Variants in PTPRN2 observed in about 807,000 individuals in gnomAD.
PTPRN2 encodes receptor-type tyrosine-protein phosphatase N2.
PTPRN2 carries 74 observed loss-of-function variants against 118.8 expected under a neutral mutation model. The observed-to-expected ratio is 0.62, with a 90% CI of 0.52 to 0.76. The LOEUF (loss-of-function observed/expected upper bound fraction) is 0.76, where lower values mean the gene tolerates loss of function less well. Among genes scored for constraint, PTPRN2 ranks in the 30% least tolerant of loss-of-function variants. The pLI, the probability that PTPRN2 is intolerant of heterozygous loss-of-function variation, is 0.00. For missense variants in PTPRN2, 1,481 were observed against 1,394.4 expected (o/e 1.06, Z -0.99); for synonymous variants, 641 against 608.0 (o/e 1.05, Z -0.80).
chr7:157,898,143 A>G (rs1797240561), intron 12 of PTPRN2, among the ~76,000 whole-genome samples: 1 of 151,854 alleles, frequency 6.6e-6, no homozygotes, highest in Admixed American at 6.6e-5. Context: ...CAGCGATATT[A>G]TGGAAGCATT....
intron 21 of PTPRN2, among the ~76,000 whole-genome samples, chr7:157,552,808 G>C (rs1400529558): frequency 1.3e-5 from 2 of 152,240 alleles, no homozygotes; most frequent in South Asian, 4.1e-4. Context: ...CGCTCCGCGT[G>C]CCTATGCTGG....
intron 1 of PTPRN2, among the ~76,000 whole-genome samples, chr7:158,513,275 G>A (rs1017765967): frequency 6.6e-6 from 1 of 152,198 alleles, no homozygotes; most frequent in Admixed American, 6.5e-5. Context: ...ACATTCTACA[G>A]ACTGACCAGG....
intron 4 of PTPRN2, among the ~76,000 whole-genome samples, chr7:158,194,738 CCTT>C (rs1291521023): frequency 6.6e-6 from 1 of 152,264 alleles, no homozygotes; most frequent in Non-Finnish European, 1.5e-5. Context: ...TCCACCTTCA[CCTT>C]CTCAACATCT....
At chr7:157,613,905 C>T (rs1802568761) in intron 15 of PTPRN2, 1 of 403,922 alleles carries the variant, frequency 2.5e-6, no homozygotes, top group Non-Finnish European at 5.2e-6. Flanking sequence ...GCGCTGCTAT[C>T]CGGACTCCTC....
chr7:158,376,379 T>G (rs1347599521), intron 2 of PTPRN2, among the ~76,000 whole-genome samples: 1 of 144,534 alleles, frequency 6.9e-6, no homozygotes, highest in Non-Finnish European at 1.5e-5. Flanking sequence ...CTGTCACACG[T>G]CCTGCGAGGG....
At position 158,244,807 on chromosome 7, in the gene PTPRN2, TGAGA is replaced by T. The variant is rs113661572; in HGVS notation, c.278-39538_278-39535del. Among the ~76,000 whole-genome samples, 12 of 148,232 alleles carry T rather than the reference TGAGA, an allele frequency of 8.1e-5. No homozygotes were observed. In the East Asian group the frequency reaches 2.4e-3, roughly 30 times the overall value. ...GAGTTGTGTGAGTGTGAGTTGTGTG[TGAGA>T]GTGTGTATGAGTGTGAGTTGTGCAC... On this transcript the variant is annotated intron_variant, in intron 3 of 22. Transcript: ENST00000389418.
intron 3 of PTPRN2, among the ~76,000 whole-genome samples, chr7:158,260,719 A>T (rs1586019264): frequency 6.6e-6 from 1 of 152,158 alleles, no homozygotes; most frequent in Non-Finnish European, 1.5e-5. Context: ...AGATGGCAAG[A>T]CCCCAAGCCT....
rs11335302 is a variant in PTPRN2 at position 157,642,814 on chromosome 7, C to CAAAAAAAAAAAAA, written c.2196+13530_2196+13542dup. Among the ~76,000 whole-genome samples the CAAAAAAAAAAAAA allele has an allele frequency of 2.8e-3, 67 of 24,224 alleles. 13 individuals are homozygous for CAAAAAAAAAAAAA. Among genetic ancestry groups the CAAAAAAAAAAAAA allele is most frequent in the Non-Finnish European group, 2.9e-3 (34 of 11,920 alleles). 15.9% of individuals were successfully genotyped at this position (24,224 alleles called of 152,430 possible). A position where few individuals can be genotyped will look rare whatever the true frequency, so the allele number is the denominator to read the frequency against. On this transcript the variant is annotated intron_variant, in intron 14 of 22. Transcript: ENST00000389418. Reference sequence around the variant, plus strand: ...AAGGGTCTACCAAGTCAAGAAACAGCAAAAAAAAAAAAAAAAAAAAAAAAA... The same window carrying CAAAAAAAAAAAAA: ...AAGGGTCTACCAAGTCAAGAAACAGCAAAAAAAAAAAAAAAAAAAAAAAAAAAAAAAAAAAAAA...
intron 1 of PTPRN2, among the ~76,000 whole-genome samples, chr7:158,506,100 CCGG>C (rs1822726891): frequency 6.9e-6 from 1 of 145,200 alleles, no homozygotes; most frequent in East Asian, 2.3e-4. Context: ...GCACACAAGG[CCGG>C]TGCTGAGACA....
intron 12 of PTPRN2, among the ~76,000 whole-genome samples, chr7:157,819,996 CACAG>C (rs1806710491): frequency 6.6e-6 from 1 of 151,062 alleles, no homozygotes; most frequent in Admixed American, 6.6e-5. Flanking sequence ...CACCCACACA[CACAG>C]AGGCACTCCA....
intron 2 of PTPRN2, 62 bp from the exon 3 acceptor site, chr7:158,316,994 G>A: frequency 8.0e-7 from 1 of 1,251,642 alleles, no homozygotes. Context: ...GCAGGAAGGT[G>A]TCACACACGT....
intron 10 of PTPRN2, among the ~76,000 whole-genome samples, chr7:158,097,377 G>T (rs973583633): frequency 6.6e-6 from 1 of 152,180 alleles, no homozygotes; most frequent in Non-Finnish European, 1.5e-5. Flanking sequence ...TGCCTCTTCG[G>T]TAATAACACC....
Position 157,585,841 on chromosome 7 carries a change from A to C in PTPRN2, c.2497-7701T>G, listed in dbSNP as rs747305731. Among the ~76,000 whole-genome samples, 1 of 152,228 alleles carries C rather than the reference A, an allele frequency of 6.6e-6. No homozygotes were observed. Among genetic ancestry groups the C allele is most frequent in the African/African-American group, 2.4e-5 (1 of 41,456 alleles). Reference sequence around the variant, plus strand: ...AGAGCCTGCTGTTCTCAGCTGGAGCAGTAAGAATCAGTCAGAAAGGAAAGC... The same window carrying C: ...AGAGCCTGCTGTTCTCAGCTGGAGCCGTAAGAATCAGTCAGAAAGGAAAGC... On this transcript the variant is annotated intron_variant, in intron 17 of 22. Coordinates refer to ENST00000389418, the MANE Select transcript of PTPRN2 (RefSeq NM_002847.5). The surrounding 1 kb of genome is among the most constrained non-coding windows in gnomAD (Gnocchi z 5.2).
intron 12 of PTPRN2, among the ~76,000 whole-genome samples, chr7:157,727,859 G>A (rs1799686312): frequency 6.6e-6 from 1 of 152,158 alleles, no homozygotes; most frequent in Admixed American, 6.5e-5. Context: ...CCTGCCCTTG[G>A]ACCCCTGAGT....
At chr7:157,588,824 CAT>C (rs1370350924) in intron 17 of PTPRN2, among the ~76,000 whole-genome samples, 6 of 152,098 alleles carry the variant, frequency 3.9e-5, no homozygotes, top group African/African-American at 1.2e-4. Context: ...TGGCACTACA[CAT>C]GTCTGGGTCT....
At chr7:158,098,673 T>C (rs1814887936) in intron 10 of PTPRN2, among the ~76,000 whole-genome samples, 1 of 152,004 alleles carries the variant, frequency 6.6e-6, no homozygotes, top group Non-Finnish European at 1.5e-5. Context: ...TTGCTGAGAC[T>C]CTGTGAAGGT....
intron 12 of PTPRN2, among the ~76,000 whole-genome samples, chr7:157,826,748 C>G: frequency 6.6e-6 from 1 of 152,144 alleles, no homozygotes; most frequent in East Asian, 1.9e-4. Flanking sequence ...AAGTGGGAGT[C>G]CTGATTGCAG....
At chr7:158,512,669 C>T (rs1823265748) in intron 1 of PTPRN2, among the ~76,000 whole-genome samples, 1 of 152,086 alleles carries the variant, frequency 6.6e-6, no homozygotes, top group Non-Finnish European at 1.5e-5. Flanking sequence ...ATTTCCAAAA[C>T]CATTCTCAGA....
intron 9 of PTPRN2, among the ~76,000 whole-genome samples, chr7:158,115,342 G>A (rs1157731570): frequency 6.6e-6 from 1 of 152,100 alleles, no homozygotes; most frequent in Non-Finnish European, 1.5e-5. Context: ...AGTGGACATG[G>A]TCATAGACTG....
Sources: gnomAD v4.1 joint callset for allele counts (sites outside exome capture counted in the v4.1 genomes callset) on GRCh38, gnomAD v4.1.1 for gene constraint, Gnocchi (gnomAD v3.1) non-coding constraint, MANE v1.5 for transcripts, NCBI Gene and HGNC (gene_info 2026-07-23, HGNC 2026-07-21) for gene names.